The following SNTG1 variants were observed in gnomAD, a reference collection of about 807,000 sequenced individuals.
SNTG1 encodes the protein gamma-1-syntrophin.
In SNTG1, 39 loss-of-function variants were observed where a neutral mutation model predicts 74.7. The ratio of observed to expected loss-of-function variants is 0.52; its 90% confidence interval spans 0.40 to 0.68. The LOEUF (loss-of-function observed/expected upper bound fraction) is 0.68. SNTG1 is among the 30% of genes least tolerant of loss of function. SNTG1 has a pLI of 0.00. For synonymous variants in SNTG1, 254 were observed against 217.1 expected, an observed-to-expected ratio of 1.17 and a Z score of -1.49; for missense variants, 685 against 609.5, an observed-to-expected ratio of 1.12 and a Z score of -1.30.
chr8:49,993,296 C>G (rs1474091522), intron 1 of SNTG1, among the ~76,000 whole-genome samples: 1 of 151,522 alleles, frequency 6.6e-6, no homozygotes, highest in Non-Finnish European at 1.5e-5. Context: ...GACACTCACT[C>G]TATTTATTTC....
chr8:50,448,653 G>A (rs750143002), intron 5 of SNTG1, among the ~76,000 whole-genome samples: 37 of 151,962 alleles, frequency 2.4e-4, no homozygotes, highest in East Asian at 1.9e-4. Flanking sequence ...TTCTTTTTCC[G>A]TTTTTAAGGA....
At chr8:50,762,013 A>G (rs537646370) in intron 18 of SNTG1, among the ~76,000 whole-genome samples, 1 of 152,156 alleles carries the variant, frequency 6.6e-6, no homozygotes, top group South Asian at 2.1e-4. Flanking sequence ...GGCCAAAAAT[A>G]TAAAGTAGAC....
chr8:50,691,482 G>T (rs1028622676), intron 15 of SNTG1, among the ~76,000 whole-genome samples: 2 of 152,160 alleles, frequency 1.3e-5, no homozygotes, highest in African/African-American at 2.4e-5. Context: ...TGTCTGTAAA[G>T]TATTTTATTT....
chr8:50,268,532 C>G (rs1395768499), intron 2 of SNTG1, among the ~76,000 whole-genome samples: 1 of 152,042 alleles, frequency 6.6e-6, no homozygotes, highest in African/African-American at 2.4e-5. Flanking sequence ...CAGTACTGAC[C>G]TTTAATAAAT....
intron 13 of SNTG1, among the ~76,000 whole-genome samples, chr8:50,635,392 G>T (rs900579): frequency 6.6e-6 from 1 of 152,150 alleles, no homozygotes; most frequent in African/African-American, 2.4e-5. Context: ...AGTTTTTTCA[G>T]GCCCTAGGCT....
intron 1 of SNTG1, among the ~76,000 whole-genome samples, chr8:50,093,732 C>G (rs1385241532): frequency 6.6e-6 from 1 of 151,944 alleles, no homozygotes; most frequent in Non-Finnish European, 1.5e-5. Flanking sequence ...AAGAAGTAGA[C>G]TGTTAAAAAA....
chr8:50,642,055 T>C (rs1196722491), intron 13 of SNTG1, among the ~76,000 whole-genome samples: 1 of 152,214 alleles, frequency 6.6e-6, no homozygotes, highest in African/African-American at 2.4e-5. Context: ...TCTTGAAATG[T>C]CTAAAACTGA....
intron 12 of SNTG1, among the ~76,000 whole-genome samples, chr8:50,589,223 G>T (rs565686987): frequency 1.3e-5 from 2 of 152,182 alleles, no homozygotes; most frequent in South Asian, 4.1e-4. Context: ...TTAATAAGTT[G>T]ATCTTTTCCA....
At chr8:50,179,754 G>A (rs1586604328) in intron 2 of SNTG1, among the ~76,000 whole-genome samples, 1 of 152,160 alleles carries the variant, frequency 6.6e-6, no homozygotes, top group African/African-American at 2.4e-5. Context: ...TGTTAAGATG[G>A]CTATAATAAA....
chr8:50,484,202 T>TTCCC (rs2093769035), intron 8 of SNTG1, among the ~76,000 whole-genome samples: 1 of 131,982 alleles, frequency 7.6e-6, no homozygotes, highest in Admixed American at 8.0e-5. Context: ...CCTTCCTTCC[T>TTCCC]TCCTTCCTTC....
chr8:50,211,142 C>T (rs1176273282), intron 2 of SNTG1, among the ~76,000 whole-genome samples: 3 of 151,996 alleles, frequency 2.0e-5, no homozygotes, highest in South Asian at 2.1e-4. Context: ...ACTCTAGAGG[C>T]TGTGCACAAT....
At chr8:50,530,346 A>T (rs2094256843) in intron 10 of SNTG1, 87 bp downstream of exon 10, 2 of 1,221,464 alleles carry the variant, frequency 1.6e-6, no homozygotes, top group African/African-American at 1.5e-5. Context: ...TATCTGACAG[A>T]TAGGAAATCC....
At chr8:50,301,855 GTTTTTTGTTTTT>G (rs2089663708) in intron 2 of SNTG1, among the ~76,000 whole-genome samples, 1 of 106,326 alleles carries the variant, frequency 9.4e-6, no homozygotes, top group African/African-American at 2.7e-5. Flanking sequence ...TTCTGTTTTT[GTTTTTTGTTTTT>G]TTTTTTTGAG....
At chr8:50,569,820 T>C (rs1377790652) in intron 12 of SNTG1, among the ~76,000 whole-genome samples, 1 of 152,172 alleles carries the variant, frequency 6.6e-6, no homozygotes, top group African/African-American at 2.4e-5. Context: ...GTCTGCATTG[T>C]TATTCTTTAT....
At chr8:50,006,574 A>G (rs1433513365) in intron 1 of SNTG1, among the ~76,000 whole-genome samples, 1 of 152,084 alleles carries the variant, frequency 6.6e-6, no homozygotes, top group African/African-American at 2.4e-5. Context: ...CCTTGTTTGG[A>G]TTTAGCACAT....
At chr8:50,230,170 G>C (rs1425862835) in intron 2 of SNTG1, among the ~76,000 whole-genome samples, 4 of 151,234 alleles carry the variant, frequency 2.6e-5, no homozygotes, top group Non-Finnish European at 5.9e-5. Flanking sequence ...AAAAACTAGA[G>C]AAAAAGCAAT....
intron 2 of SNTG1, among the ~76,000 whole-genome samples, chr8:50,252,120 T>C (rs945079545): frequency 2.6e-5 from 4 of 151,892 alleles, no homozygotes; most frequent in African/African-American, 4.8e-5. Flanking sequence ...AATAGATCAC[T>C]GAGAAAATTA....
At chr8:50,038,394 T>C (rs1818340202) in intron 1 of SNTG1, among the ~76,000 whole-genome samples, 1 of 152,154 alleles carries the variant, frequency 6.6e-6, no homozygotes, top group African/African-American at 2.4e-5. Context: ...AAGGACCCAG[T>C]GGAAATTATG....
intron 5 of SNTG1, 145 bp from the exon 6 acceptor site, chr8:50,449,523 T>C (rs752102904): frequency 3.2e-5 from 16 of 496,306 alleles, no homozygotes; most frequent in Non-Finnish European, 4.6e-5. Context: ...GGGAGCACTA[T>C]CTACTTAGAG....
Sources: allele counts gnomAD v4.1 joint callset (sites outside exome capture counted in the v4.1 genomes callset), GRCh38; gene constraint gnomAD v4.1.1; transcripts MANE v1.5; gene names NCBI Gene and HGNC (gene_info 2026-07-23, HGNC 2026-07-21).